The following MAP2K5 variants were observed in gnomAD, a reference collection of about 807,000 sequenced individuals.
MAP2K5 encodes mitogen-activated protein kinase kinase 5, also known as dual specificity mitogen-activated protein kinase kinase 5.
MAP2K5 carries 49 observed loss-of-function variants against 83.1 expected under a neutral mutation model. The ratio of observed to expected loss-of-function variants is 0.59; its 90% CI spans 0.47 to 0.75. MAP2K5 has a LOEUF of 0.75. Ranked by LOEUF, MAP2K5 falls within the 30% of genes least tolerant of loss-of-function variation. The pLI, the probability that MAP2K5 is intolerant of heterozygous loss-of-function variation, is 0.00. For synonymous variants in MAP2K5, 202 were observed against 191.8 expected (o/e 1.05, Z -0.44); for missense variants, 457 against 557.5 (o/e 0.82, Z 1.82).
In MAP2K5 at chr15:67,780,441, C is replaced by T. The variant is rs1020395387; in HGVS notation, c.1242+7689C>T. ...CTAGTCTGCTGTCATTTAGGCAAAACAGTGTTGGTTGCACATGCTATTCTC... is the reference window on the plus strand; with the variant it reads ...CTAGTCTGCTGTCATTTAGGCAAAATAGTGTTGGTTGCACATGCTATTCTC... On this transcript the variant is annotated intron_variant, in intron 21 of 21. Coordinates refer to ENST00000178640, the MANE Select transcript of MAP2K5 (RefSeq NM_145160.3). The surrounding 1 kb of genome is among the most constrained non-coding windows in gnomAD (Gnocchi z 5.0). 3.9e-5 allele frequency among the ~76,000 whole-genome samples: 6 copies of T among 152,178 alleles called. No individual in the cohort carries two copies. Among genetic ancestry groups the T allele is most frequent in the African/African-American group, 1.2e-4 (5 of 41,448 alleles).
At position 67,774,830 on chromosome 15, in the gene MAP2K5, A is replaced by T. The variant is rs2090208684; in HGVS notation, c.1242+2078A>T. ...TGGTAACTCCAGCCAGCAGGGTACC[A>T]GCATGGGCTGCATGGGCCGCTTCAA... is the stretch of plus-strand genomic sequence containing the variant. On this transcript the variant is annotated intron_variant, in intron 21 of 21. Transcript: ENST00000178640. The surrounding 1 kb of genome is among the most constrained non-coding windows in gnomAD (Gnocchi z 4.9). Among the ~76,000 whole-genome samples, 1 of 152,252 alleles carries T rather than the reference A, an allele frequency of 6.6e-6. No homozygotes were observed. Among genetic ancestry groups the T allele is most frequent in the Non-Finnish European group, 1.5e-5 (1 of 68,036 alleles).
intron 13 of MAP2K5, among the ~76,000 whole-genome samples, chr15:67,667,751 A>G (rs1028549819): frequency 2.6e-5 from 4 of 152,204 alleles, no homozygotes; most frequent in African/African-American, 9.6e-5. Flanking sequence ...AGAACAAACT[A>G]TTTCTCGCAT....
In MAP2K5 at chr15:67,782,177, G is replaced by A. The variant is rs144977382; in HGVS notation, c.1242+9425G>A. Among the ~76,000 whole-genome samples, 1 of 152,332 alleles carries A rather than the reference G, an allele frequency of 6.6e-6. No individual in the cohort carries two copies. Among genetic ancestry groups the A allele is most frequent in the African/African-American group, 2.4e-5 (1 of 41,574 alleles). On this transcript the variant is annotated intron_variant, in intron 21 of 21. Coordinates refer to ENST00000178640, the MANE Select transcript of MAP2K5 (RefSeq NM_145160.3). The surrounding 1 kb of genome is among the most constrained non-coding windows in gnomAD (Gnocchi z 4.9). ...GATAAGAAAATGTTCCTTTCACAAA[G>A]AGGCAGTGTCTCCCGCCTCTGCGGT...
chr15:67,753,668 A>AT (rs1566952914), intron 19 of MAP2K5, among the ~76,000 whole-genome samples: 4 of 151,824 alleles, frequency 2.6e-5, no homozygotes, highest in Admixed American at 1.3e-4. Flanking sequence ...GATGGCTGTA[A>AT]TTAAAAAAAA....
chr15:67,661,498 T>C (rs1268591031), intron 12 of MAP2K5, among the ~76,000 whole-genome samples: 3 of 152,102 alleles, frequency 2.0e-5, no homozygotes, highest in Non-Finnish European at 4.4e-5. Flanking sequence ...ACCAATAATA[T>C]CCTTTAGATT....
rs376728076 is a variant in MAP2K5 at position 67,623,641 on chromosome 15, A to G, written c.546-7247A>G. ...CGGAGTTTTGCTCTTGTTGTCCAGG[A>G]GGCTAGAGTGCAATGGTGTGATCTC... On this transcript the variant is annotated intron_variant, in intron 8 of 21. Coordinates refer to ENST00000178640, the MANE Select transcript of MAP2K5 (RefSeq NM_145160.3). 3.4e-5 allele frequency among the ~76,000 whole-genome samples: 5 copies of G among 147,470 alleles called. No homozygotes were observed. In the East Asian group the frequency reaches 6.0e-4, roughly 18 times the overall value.
chr15:67,748,696 A>G lies in MAP2K5; in HGVS notation c.1134+95A>G, dbSNP rs1234927390. On this transcript the variant is annotated intron_variant, in intron 19 of 21. Transcript: ENST00000178640. The surrounding 1 kb of genome is among the most constrained non-coding windows in gnomAD (Gnocchi z 4.0). ...TTCCTAATGAAGCACAATGCCCAAC[A>G]TCCTTGGAGCAAGTTGTGTTGTATG... The G allele has an allele frequency of 1.7e-6, 2 of 1,174,798 alleles. No individual in the cohort carries two copies. Among genetic ancestry groups the G allele is most frequent in the East Asian group, 4.7e-5 (2 of 42,508 alleles). The allele number at this position is 1,174,798 out of a possible 1,614,324, so 72.8% of individuals were successfully genotyped here. A position where few individuals can be genotyped will look rare whatever the true frequency, so the allele number is the denominator to read the frequency against.
rs118023567 is a variant in MAP2K5 at position 67,681,729 on chromosome 15, G to A, written c.848-10750G>A. On this transcript the variant is annotated intron_variant, in intron 13 of 21. Transcript: ENST00000178640. ...TTTTCACTAAAGGTTTATGTGTTGC[G>A]GTAGAAGAAACTTATTTCTCTTTAG... 4.3e-4 allele frequency among the ~76,000 whole-genome samples: 66 copies of A among 152,212 alleles called. No individual in the cohort carries two copies. In the East Asian group the frequency reaches 6.2e-3, roughly 14 times the overall value.
rs1489503433 is a variant in MAP2K5, at chr15:67,563,596, A to G, written c.252+246A>G. ...ATGACTTTTGCATTAGGTATGATGCAGACTAAATGGACTATCAATTTCCTG... is the reference window on the plus strand; with the variant it reads ...ATGACTTTTGCATTAGGTATGATGCGGACTAAATGGACTATCAATTTCCTG... On this transcript the variant is annotated intron_variant, in intron 3 of 21. Coordinates refer to ENST00000178640, the MANE Select transcript of MAP2K5 (RefSeq NM_145160.3). The surrounding 1 kb of genome is among the most constrained non-coding windows in gnomAD (Gnocchi z 4.5). Among the ~76,000 whole-genome samples the G allele has an allele frequency of 6.6e-6, 1 of 152,224 alleles. No homozygotes were observed. Among genetic ancestry groups the G allele is most frequent in the African/African-American group, 2.4e-5 (1 of 41,458 alleles).
intron 16 of MAP2K5, 73 bp from the exon 17 acceptor site, chr15:67,727,843 G>C: frequency 9.3e-7 from 1 of 1,073,850 alleles, no homozygotes; most frequent in Non-Finnish European, 1.5e-6. Context: ...CTGAAATTTA[G>C]TACTTGTCTG....
At chr15:67,742,574 A>G (rs62015173) in intron 17 of MAP2K5, among the ~76,000 whole-genome samples, 6,341 of 152,304 alleles carry the variant, frequency 0.042, 295 homozygotes, top group African/African-American at 0.11. Flanking sequence ...GGATTCTAAA[A>G]TAAGGCCACC....
intron 21 of MAP2K5, among the ~76,000 whole-genome samples, chr15:67,800,611 A>G (rs2090687062): frequency 1.3e-5 from 2 of 152,226 alleles, no homozygotes; most frequent in South Asian, 2.1e-4. Flanking sequence ...AATTGTTCAT[A>G]TGAATCGTTT....
At chr15:67,723,311 A>G (rs561969826) in intron 16 of MAP2K5, among the ~76,000 whole-genome samples, 1 of 152,320 alleles carries the variant, frequency 6.6e-6, no homozygotes, top group East Asian at 1.9e-4. Flanking sequence ...TGTTATTTAA[A>G]TTATAAAATC....
chr15:67,799,122 T>G (rs1468031989), intron 21 of MAP2K5, among the ~76,000 whole-genome samples: 1 of 152,214 alleles, frequency 6.6e-6, no homozygotes, highest in African/African-American at 2.4e-5. Flanking sequence ...TGAGCCGAGA[T>G]CGCGCCACTG....
chr15:67,557,416 T>C (rs988495646), intron 2 of MAP2K5, among the ~76,000 whole-genome samples: 3 of 152,218 alleles, frequency 2.0e-5, no homozygotes, highest in Non-Finnish European at 4.4e-5. Context: ...CAGAAGTATC[T>C]TCACACTTGT....
chr15:67,653,515 C>T (rs909369239), intron 11 of MAP2K5, among the ~76,000 whole-genome samples: 3 of 152,062 alleles, frequency 2.0e-5, no homozygotes, highest in Non-Finnish European at 2.9e-5. Flanking sequence ...AGGCTGGTCT[C>T]GAACTCCTGA....
chr15:67,547,322 A>T (rs1351473711), intron 1 of MAP2K5, among the ~76,000 whole-genome samples: 1 of 152,128 alleles, frequency 6.6e-6, no homozygotes, highest in Non-Finnish European at 1.5e-5. Context: ...TGTGATCTTT[A>T]TGCTCGTGGC....
At chr15:67,558,844 T>C (rs1013857324) in intron 2 of MAP2K5, among the ~76,000 whole-genome samples, 7 of 152,244 alleles carry the variant, frequency 4.6e-5, no homozygotes, top group Admixed American at 2.6e-4. Flanking sequence ...GTATGTTCCA[T>C]GAAGGCAGGA....
At position 67,598,205 on chromosome 15, in the gene MAP2K5, C is replaced by CA. The variant is rs529764590; in HGVS notation, c.481-2468dup. On this transcript the variant is annotated intron_variant, in intron 7 of 21. Transcript: ENST00000178640. ...GGGTGACAGAGTGAGACTTCATCTCCAAAAAAAAAAAACTAAAACTAAAAC... is the reference window on the plus strand; with the variant it reads ...GGGTGACAGAGTGAGACTTCATCTCCAAAAAAAAAAAAACTAAAACTAAAAC... 6.7e-3 allele frequency among the ~76,000 whole-genome samples: 866 copies of CA among 129,798 alleles called. 1 individual carries two copies. The highest frequency in any genetic ancestry group is 0.026 in the South Asian group (105 of 4,112). 85.2% of individuals were successfully genotyped at this position (129,798 alleles called of 152,430 possible). A position where few individuals can be genotyped will look rare whatever the true frequency, so the allele number is the denominator to read the frequency against.
Sources: gnomAD v4.1 joint callset for allele counts (sites outside exome capture counted in the v4.1 genomes callset) on GRCh38, gnomAD v4.1.1 for gene constraint, Gnocchi (gnomAD v3.1) non-coding constraint, MANE v1.5 for transcripts, NCBI Gene and HGNC (gene_info 2026-07-23, HGNC 2026-07-21) for gene names.